FYB2: variants seen among roughly 807,000 people sequenced by gnomAD.
FYB2 encodes FYN binding protein 2.
A neutral mutation model predicts 94.1 loss-of-function variants in FYB2; 103 were observed. The observed-to-expected ratio is 1.09, with a 90% CI of 0.93 to 1.29. The LOEUF (loss-of-function observed/expected upper bound fraction) is 1.29, where lower values mean the gene tolerates loss of function less well. Ranked by LOEUF, FYB2 falls within the 50% of genes most tolerant of loss-of-function variation. FYB2 has a pLI of 0.00. For synonymous variants in FYB2, 293 were observed against 287.9 expected (o/e 1.02, Z -0.18); for missense variants, 896 against 841.5 (o/e 1.06, Z -0.80).
intron 16 of FYB2, among the ~76,000 whole-genome samples, chr1:56,725,825 C>T (rs1014665896): frequency 6.6e-6 from 1 of 152,038 alleles, no homozygotes; most frequent in South Asian, 2.1e-4. Context: ...ACAGACTACA[C>T]AATGTTCACA....
At chr1:56,815,658 A>G (rs1192921176) in intron 1 of FYB2, among the ~76,000 whole-genome samples, 4 of 152,222 alleles carry the variant, frequency 2.6e-5, no homozygotes, top group Non-Finnish European at 5.9e-5. Flanking sequence ...ATTTCCCTGT[A>G]AAATGGGAGT....
In FYB2 at chr1:56,792,143, T is replaced by G; in HGVS notation, c.670A>C (p.Ser224Arg). 2 of 1,613,932 alleles carry G rather than the reference T, an allele frequency of 1.2e-6. No homozygotes were observed. The highest frequency in any genetic ancestry group is 1.7e-6 in the Non-Finnish European group (2 of 1,179,956). ...SFVISQHIRK[S>R]WENPPPERSP... Reference sequence around the variant, plus strand: ...CTCTCAGGAGGTGGGTTTTCCCAGCTTTTTCTGATATGTTGAGAAATTACA... The same window carrying G: ...CTCTCAGGAGGTGGGTTTTCCCAGCGTTTTCTGATATGTTGAGAAATTACA... The change falls in exon 2 of 20, where the codon AGC becomes CGC. Residue 224 changes from serine to arginine, a missense_variant. Transcript: ENST00000343433.
intron 9 of FYB2, among the ~76,000 whole-genome samples, chr1:56,746,907 C>A (rs980670265): frequency 6.6e-6 from 1 of 151,960 alleles, no homozygotes; most frequent in South Asian, 2.1e-4. Context: ...CTTACAATCT[C>A]CACAGTGAAT....
At chr1:56,742,049 CG>C (rs994727758) in intron 12 of FYB2, 111 bp downstream of exon 12, 32 of 732,058 alleles carry the variant, frequency 4.4e-5, no homozygotes, top group Non-Finnish European at 6.1e-5. Context: ...TGATGGGAGT[CG>C]GGGGTGGCAG....
intron 1 of FYB2, among the ~76,000 whole-genome samples, chr1:56,796,543 AAACC>A (rs1324484937): frequency 7.9e-5 from 12 of 152,206 alleles, no homozygotes; most frequent in Middle Eastern, 3.4e-3. Flanking sequence ...GCTGTTAGAC[AAACC>A]TCTTTAAAAA....
chr1:56,792,787 A>C lies in FYB2; in HGVS notation c.26T>G (p.Phe9Cys). MEGEGVRN[F>C]KELRAKFQNL... ...TTGAAATTTGGCTCGAAGTTCCTTGAAGTTTCTTACCCCTTCCTAAGGCAA... is the reference window on the plus strand; with the variant it reads ...TTGAAATTTGGCTCGAAGTTCCTTGCAGTTTCTTACCCCTTCCTAAGGCAA... Residue 9 changes from phenylalanine to cysteine, a missense_variant, in exon 2 of 20, where the codon TTC becomes TGC. Coordinates refer to ENST00000343433, the MANE Select transcript of FYB2 (RefSeq NM_001004303.5). 6.2e-7 allele frequency: 1 copy of C among 1,612,342 alleles called. No individual in the cohort carries two copies. Among genetic ancestry groups the C allele is most frequent in the Non-Finnish European group, 8.5e-7 (1 of 1,179,356 alleles).
intron 15 of FYB2, among the ~76,000 whole-genome samples, chr1:56,733,007 C>G (rs757728914): frequency 6.6e-6 from 1 of 152,036 alleles, no homozygotes; most frequent in Non-Finnish European, 1.5e-5. Flanking sequence ...TAAAAAGCTT[C>G]TGCACAGTAA....
intron 16 of FYB2, among the ~76,000 whole-genome samples, chr1:56,725,106 G>A (rs895114033): frequency 2.0e-5 from 3 of 151,980 alleles, no homozygotes; most frequent in African/African-American, 7.2e-5. Context: ...GGCCTTCACC[G>A]AAGCAGATGC....
chr1:56,768,426 G>A (rs1232488405), intron 4 of FYB2, among the ~76,000 whole-genome samples: 18 of 152,212 alleles, frequency 1.2e-4, no homozygotes, highest in Admixed American at 2.0e-4. Flanking sequence ...AGTACTAAAC[G>A]TATCCGTCCA....
chr1:56,789,169 T>C (rs1486352621), intron 2 of FYB2, 35 bp from the exon 3 acceptor site: 14 of 1,528,864 alleles, frequency 9.2e-6, no homozygotes, highest in Non-Finnish European at 1.2e-5. Context: ...TAAGTTATGA[T>C]TATTTTCATT....
At position 56,748,671 on chromosome 1, in the gene FYB2, C is replaced by A. The variant is rs149155071; in HGVS notation, c.1387+2373G>T. On this transcript the variant is annotated intron_variant, in intron 9 of 19. Transcript: ENST00000343433. Reference sequence around the variant, plus strand: ...TTAATACCATTACTCTCTTCCCAAACAATTATCAACCTTAGGACACTTTAA... The same window carrying A: ...TTAATACCATTACTCTCTTCCCAAAAAATTATCAACCTTAGGACACTTTAA... Among the ~76,000 whole-genome samples, 1,392 of 152,078 alleles carry A rather than the reference C, an allele frequency of 9.2e-3. 8 individuals are homozygous for A. Among genetic ancestry groups the A allele is most frequent in the Middle Eastern group, 0.017 (5 of 294 alleles).
At chr1:56,751,017 A>T (rs762536620) in intron 9 of FYB2, 27 bp downstream of exon 9, 1 of 1,601,392 alleles carries the variant, frequency 6.2e-7, no homozygotes, top group East Asian at 2.2e-5. Flanking sequence ...GTAATGATGA[A>T]GAAGATCAGA....
intron 15 of FYB2, among the ~76,000 whole-genome samples, chr1:56,736,649 C>G (rs1248793363): frequency 6.6e-6 from 1 of 152,052 alleles, no homozygotes; most frequent in Non-Finnish European, 1.5e-5. Flanking sequence ...CTCCTAGACT[C>G]AGGCAATCCA....
chr1:56,825,375 C>A, the FYB2 span, among the ~76,000 whole-genome samples: 1 of 152,120 alleles, frequency 6.6e-6, no homozygotes, highest in Non-Finnish European at 1.5e-5. Context: ...GGAAGCTCCA[C>A]GCTTGATGTG....
chr1:56,822,594 A>G (rs1231008274), upstream of FYB2, among the ~76,000 whole-genome samples: 1 of 152,172 alleles, frequency 6.6e-6, no homozygotes, highest in African/African-American at 2.4e-5. Context: ...TATTTCCAGC[A>G]CATTCTTAAT....
chr1:56,729,433 T>G (rs1644655158), intron 15 of FYB2, among the ~76,000 whole-genome samples: 1 of 152,086 alleles, frequency 6.6e-6, no homozygotes, highest in African/African-American at 2.4e-5. Context: ...TGTGTGTTTA[T>G]TGAAACAGTC....
chr1:56,748,798 T>C (rs1312562020), intron 9 of FYB2, among the ~76,000 whole-genome samples: 1 of 152,014 alleles, frequency 6.6e-6, no homozygotes, highest in Non-Finnish European at 1.5e-5. Context: ...TTTGCTTAAC[T>C]TTTTTTCTTG....
At chr1:56,796,267 C>T (rs60027927) in intron 1 of FYB2, among the ~76,000 whole-genome samples, 4,655 of 152,134 alleles carry the variant, frequency 0.031, 231 homozygotes, top group African/African-American at 0.11. Flanking sequence ...TTTTATTATC[C>T]ATCACCCATA....
At chr1:56,753,003 T>G (rs1014387657) in intron 8 of FYB2, among the ~76,000 whole-genome samples, 7 of 152,112 alleles carry the variant, frequency 4.6e-5, no homozygotes, top group African/African-American at 1.7e-4. Context: ...TACTCCATCC[T>G]TTGAATTATG....
Sources: allele counts gnomAD v4.1 joint callset (sites outside exome capture counted in the v4.1 genomes callset), GRCh38; gene constraint gnomAD v4.1.1; transcripts MANE v1.5; gene names NCBI Gene and HGNC (gene_info 2026-07-23, HGNC 2026-07-21).